CPNE7: variants seen among roughly 807,000 people sequenced by gnomAD.
CPNE7 encodes the protein copine-7.
CPNE7 carries 78 observed loss-of-function variants against 66.5 expected under a neutral mutation model. The ratio of observed to expected loss-of-function variants is 1.17; its 90% CI spans 0.98 to 1.42. The LOEUF is 1.42. CPNE7 is among the 40% of genes most tolerant of loss of function. The pLI is 0.00. For synonymous variants in CPNE7, 468 were observed against 336.7 expected, an observed-to-expected ratio of 1.39 and a Z score of -4.27; for missense variants, 1,012 against 776.6, an observed-to-expected ratio of 1.30 and a Z score of -3.60.
chr16:89,587,164 C>A, intron 9 of CPNE7, 62 bp downstream of exon 9: 2 of 941,558 alleles, frequency 2.1e-6, no homozygotes, highest in South Asian at 1.6e-5. Flanking sequence ...CGCCCCGCCC[C>A]CTCAGTCCGT....
intron 10 of CPNE7, among the ~76,000 whole-genome samples, chr16:89,589,160 C>T (rs1019189790): frequency 1.3e-5 from 2 of 152,194 alleles, no homozygotes; most frequent in African/African-American, 4.8e-5. Context: ...GGCGTGGTGG[C>T]AGATGCCTGT....
intron 2 of CPNE7, among the ~76,000 whole-genome samples, chr16:89,581,047 C>G (rs887190356): frequency 6.6e-6 from 1 of 150,796 alleles, no homozygotes; most frequent in Admixed American, 6.6e-5. Flanking sequence ...CATCCCGTAA[C>G]CCATCACATG....
At chr16:89,594,912 A>T (rs937450083) in intron 13 of CPNE7, among the ~76,000 whole-genome samples, 6 of 151,832 alleles carry the variant, frequency 4.0e-5, no homozygotes, top group African/African-American at 1.5e-4. Flanking sequence ...TCGGCCTCCC[A>T]AAGTGCTGAG....
intron 10 of CPNE7, among the ~76,000 whole-genome samples, chr16:89,589,118 C>T (rs555766530): frequency 6.6e-6 from 1 of 152,180 alleles, no homozygotes; most frequent in African/African-American, 2.4e-5. Flanking sequence ...ATGGTGAAAC[C>T]CCATCTCTAC....
rs368141789 is a variant in CPNE7, at chr16:89,581,341, G to A, written c.358-2356G>A. Among the ~76,000 whole-genome samples, 104 of 151,596 alleles carry A rather than the reference G, an allele frequency of 6.9e-4. 1 individual carries two copies. Among genetic ancestry groups the A allele is most frequent in the African/African-American group, 1.2e-3 (50 of 41,360 alleles). ...CGGAACATCCCATCACCCGTCACAC[G>A]GAACATCCCGTCACCCATCACACGG... is the stretch of plus-strand genomic sequence containing the variant. On this transcript the variant is annotated intron_variant, in intron 2 of 14. Coordinates refer to ENST00000319518, the MANE Select transcript of CPNE7 (RefSeq NM_153636.3).
Position 89,592,810 on chromosome 16 carries a change from C to CTTTT in CPNE7, c.1302+1566_1302+1569dup, listed in dbSNP as rs57297283. On this transcript the variant is annotated intron_variant, in intron 13 of 14. Coordinates refer to ENST00000319518, the MANE Select transcript of CPNE7 (RefSeq NM_153636.3). ...ACCATTGTAACCATTTTTTTCTTTT[C>CTTTT]TTTTTTTTTTTTTTTTTTTGAGATG... Among the ~76,000 whole-genome samples the CTTTT allele has an allele frequency of 2.5e-4, 27 of 106,360 alleles. 2 individuals are homozygous for CTTTT. The highest frequency in any genetic ancestry group is 5.0e-4 in the East Asian group (2 of 4,040). The allele number at this position is 106,360 out of a possible 152,430, so 69.8% of individuals were successfully genotyped here.
rs555304331 is a variant in CPNE7, at chr16:89,585,723, G to C, written c.718G>C (p.Asp240His). The C allele has an allele frequency of 3.2e-6, 5 of 1,547,062 alleles. No individual in the cohort carries two copies. Among genetic ancestry groups the C allele is most frequent in the Non-Finnish European group, 4.4e-6 (5 of 1,146,108 alleles). ...VWDYDSRGKH[D>H]FIGEFSTTFE... is the part of the protein sequence containing the mutation. ...GGATTACGACTCTCGAGGAAAGCAC[G>C]ACTTCATCGGAGAATTCTCTACCAC... is the stretch of plus-strand genomic sequence containing the variant. The change falls in exon 7 of 15, where the codon GAC (aspartate) becomes CAC (histidine). Residue 240 changes from aspartate (D) to histidine (H), a missense_variant. Physicochemically the swap from Asp to His is moderately conservative, Grantham distance 81 (BLOSUM62 -1). Transcript: ENST00000319518.
At chr16:89,585,274 C>T (rs1002825917) in intron 5 of CPNE7, among the ~76,000 whole-genome samples, 190 bp from the exon 6 acceptor site, 7 of 152,270 alleles carry the variant, frequency 4.6e-5, no homozygotes, top group East Asian at 1.9e-4. Context: ...ATGTGTCTCC[C>T]GGGTCCTCAC....
At chr16:89,588,886 C>A in intron 10 of CPNE7, 78 bp downstream of exon 10, 11 of 1,549,378 alleles carry the variant, frequency 7.1e-6, no homozygotes, top group Non-Finnish European at 8.8e-6. Flanking sequence ...TTCCCCCTCA[C>A]CCCCCTGGTC....
intron 11 of CPNE7, among the ~76,000 whole-genome samples, chr16:89,590,495 A>G (rs1432470329): frequency 2.0e-5 from 3 of 152,146 alleles, no homozygotes; most frequent in South Asian, 4.1e-4. Flanking sequence ...ACTGCAGTCC[A>G]GCCTGGCCTG....
chr16:89,584,594 G>T lies in CPNE7; in HGVS notation c.508-180G>T, dbSNP rs1323218796. On this transcript the variant is annotated intron_variant, in intron 4 of 14. Coordinates refer to ENST00000319518, the MANE Select transcript of CPNE7 (RefSeq NM_153636.3). This position sits in a 1 kb window ranked among gnomAD's most constrained non-coding sequence, Gnocchi z 6.0. ...AGGGCTGAGTTGCCCGCCGTGGTCA[G>T]ATCCCTGGGGGCGGGAGGGAGGGAC... Among the ~76,000 whole-genome samples, 1 of 141,916 alleles carries T rather than the reference G, an allele frequency of 7.0e-6. No individual in the cohort carries two copies. The highest frequency in any genetic ancestry group is 2.5e-5 in the African/African-American group (1 of 39,798). 93.1% of individuals were successfully genotyped at this position (141,916 alleles called of 152,430 possible).
rs546696547 is a variant in CPNE7, at chr16:89,580,950, T to C, written c.358-2747T>C. Among the ~76,000 whole-genome samples the C allele has an allele frequency of 2.6e-3, 328 of 124,418 alleles. 2 individuals are homozygous for C. Among genetic ancestry groups the C allele is most frequent in the African/African-American group, 9.7e-3 (300 of 31,002 alleles). 81.6% of individuals were successfully genotyped at this position (124,418 alleles called of 152,430 possible). ...CTCACCCATCACACGGAACATCCCGTCACCCGCTGACATGGAACATCTCAC... is the reference window on the plus strand; with the variant it reads ...CTCACCCATCACACGGAACATCCCGCCACCCGCTGACATGGAACATCTCAC... On this transcript the variant is annotated intron_variant, in intron 2 of 14. Coordinates refer to ENST00000319518, the MANE Select transcript of CPNE7 (RefSeq NM_153636.3).
At chr16:89,588,206 G>GCATGTCACCCACAGATACACGGCCCC (rs74202075) in intron 9 of CPNE7, among the ~76,000 whole-genome samples, 1 of 21,146 alleles carries the variant, frequency 4.7e-5, no homozygotes, top group Non-Finnish European at 1.0e-4. Context: ...CGTGTCACCC[G>GCATGTCACCCACAGATACACGGCCCC]CGTGTCACCC....
In CPNE7 at chr16:89,584,705, C is replaced by A; in HGVS notation, c.508-69C>A. On this transcript the variant is annotated intron_variant, in intron 4 of 14. Coordinates refer to ENST00000319518, the MANE Select transcript of CPNE7 (RefSeq NM_153636.3). The surrounding 1 kb of genome is among the most constrained non-coding windows in gnomAD (Gnocchi z 6.0). ...GCATGAAGTGAGCCCTGGGAAACGA[C>A]AAAGCCAGCTCCCATCCAAAGCCCG... 8.1e-7 allele frequency: 1 copy of A among 1,230,514 alleles called. No homozygotes were observed. The highest frequency in any genetic ancestry group is 1.2e-6 in the Non-Finnish European group (1 of 848,486). The allele number at this position is 1,230,514 out of a possible 1,614,324, so 76.2% of individuals were successfully genotyped here.
chr16:89,590,715 C>T (rs1031881175), intron 11 of CPNE7, among the ~76,000 whole-genome samples: 1 of 143,874 alleles, frequency 7.0e-6, no homozygotes, highest in Admixed American at 7.1e-5. Context: ...TCCAAGCCTA[C>T]CTCTCTCAGT....
At position 89,585,451 on chromosome 16, in the gene CPNE7, T is replaced by G; in HGVS notation, c.592-13T>G. 6.2e-7 allele frequency: 1 copy of G among 1,603,458 alleles called. No individual in the cohort carries two copies. The highest frequency in any genetic ancestry group is 8.5e-7 in the Non-Finnish European group (1 of 1,173,700). On this transcript the variant is annotated splice_polypyrimidine_tract_variant and intron_variant, in intron 5 of 14. Transcript: ENST00000319518. Reference sequence around the variant, plus strand: ...CCTGGGCCTCCCCTGAGCCAGCCCCTCCCGGCCCACAGGTGGTGAAGAACA... The same window carrying G: ...CCTGGGCCTCCCCTGAGCCAGCCCCGCCCGGCCCACAGGTGGTGAAGAACA...
In CPNE7 at chr16:89,588,169, G is replaced by C. The variant is rs1011224598; in HGVS notation, c.928-506G>C. On this transcript the variant is annotated intron_variant, in intron 9 of 14. Coordinates refer to ENST00000319518, the MANE Select transcript of CPNE7 (RefSeq NM_153636.3). ...CAGATACACGGCCCCCGTGTCACCC[G>C]CGTGTCACCCACAGATACACGGCCC... Among the ~76,000 whole-genome samples the C allele has an allele frequency of 2.4e-3, 129 of 54,786 alleles. 3 individuals carry two copies. The highest frequency in any genetic ancestry group is 0.011 in the South Asian group (10 of 914). 35.9% of individuals were successfully genotyped at this position (54,786 alleles called of 152,430 possible). A position where few individuals can be genotyped will look rare whatever the true frequency, so the allele number is the denominator to read the frequency against.
At chr16:89,587,422 C>G (rs1298967505) in intron 9 of CPNE7, 6 of 378,416 alleles carry the variant, frequency 1.6e-5, no homozygotes, top group African/African-American at 1.4e-4. Context: ...GCCGATGTCT[C>G]CATGCGCGGC....
intron 10 of CPNE7, 116 bp downstream of exon 10, chr16:89,588,924 G>C (rs767189327): frequency 1.5e-6 from 2 of 1,354,672 alleles, no homozygotes; most frequent in Admixed American, 1.9e-5. Flanking sequence ...AGGTGCACCC[G>C]GCCGGTTTTC....
Sources: gnomAD v4.1 joint callset for allele counts (sites outside exome capture counted in the v4.1 genomes callset) on GRCh38, gnomAD v4.1.1 for gene constraint, Gnocchi (gnomAD v3.1) non-coding constraint, MANE v1.5 for transcripts, NCBI Gene and HGNC (gene_info 2026-07-23, HGNC 2026-07-21) for gene names.